Variants in DUXB observed in about 807,000 individuals in gnomAD.
DUXB encodes the protein double homeobox protein B.
A neutral mutation model predicts 8.9 loss-of-function variants in DUXB; 22 were observed. That is an observed-to-expected ratio of 2.46 (90% CI 1.76 to 3.52). The LOEUF is 3.52. DUXB is among the 30% of genes most tolerant of loss of function. The pLI is 0.00. For missense variants in DUXB, 237 were observed against 108.7 expected, an observed-to-expected ratio of 2.18 and a Z score of -5.25; for synonymous variants, 84 against 37.6, an observed-to-expected ratio of 2.23 and a Z score of -4.52.
intron 2 of DUXB, chr16:75,698,566 T>A (rs1344993504): frequency 6.6e-6 from 1 of 152,230 alleles, no homozygotes; most frequent in Non-Finnish European, 1.5e-5. Context: ...CAGGTTGGAG[T>A]GCAGTGGCTA....
intron 1 of DUXB, among the ~76,000 whole-genome samples, chr16:75,701,086 C>T (rs1959207609): frequency 6.6e-6 from 1 of 152,092 alleles, no homozygotes; most frequent in Non-Finnish European, 1.5e-5. Flanking sequence ...GAATATATCT[C>T]AGTAAAATTC....
intron 2 of DUXB, among the ~76,000 whole-genome samples, chr16:75,699,334 A>AT (rs2151833975): frequency 6.6e-6 from 1 of 152,290 alleles, no homozygotes; most frequent in South Asian, 2.1e-4. Flanking sequence ...TTTCCTTGTA[A>AT]TTACATATTA....
rs1000929917 is a variant in DUXB at position 75,694,367 on chromosome 16, G to C, written c.600C>G (p.Cys200Trp). ...LPTDSSHYFS[C>W]SHSSSGHETL... ...TTTCATGCCCGCTGGAAGAATGTGA[G>C]CAAGAAAAATAATGAGAGCTGTCTG... Residue 200 changes from cysteine to tryptophan, a missense_variant, in exon 5 of 5, where the codon TGC becomes TGG. Cys to Trp is a radical substitution (Grantham distance 215, BLOSUM62 -2). Transcript: ENST00000633875. The C allele has an allele frequency of 1.3e-5, 9 of 668,868 alleles. No individual in the cohort carries two copies. The highest frequency in any genetic ancestry group is 2.4e-5 in the Non-Finnish European group (9 of 372,648). The allele number at this position is 668,868 out of a possible 1,614,324, so 41.4% of individuals were successfully genotyped here.
In DUXB at chr16:75,694,307, A is replaced by G. The variant is rs2082586785; in HGVS notation, c.660T>C (p.Pro220=). 3 of 616,400 alleles carry G rather than the reference A, an allele frequency of 4.9e-6. No individual in the cohort carries two copies. In the East Asian group the frequency reaches 8.2e-5, roughly 17 times the overall value. The allele number at this position is 616,400 out of a possible 1,614,324, so 38.2% of individuals were successfully genotyped here. ...LPPVLPSTQA[P]WDPFRFHVSQ... is the part of the protein sequence containing the mutation. Reference sequence around the variant, plus strand: ...TCACATGGAACCTGAAGGGATCCCAAGGAGCCTGGGTTGAAGGAAGAACAG... The same window carrying G: ...TCACATGGAACCTGAAGGGATCCCAGGGAGCCTGGGTTGAAGGAAGAACAG... The change falls in exon 5 of 5, where the codon CCT becomes CCC. Residue 220 remains proline, a synonymous_variant. Coordinates refer to ENST00000633875, the MANE Select transcript of DUXB (RefSeq NM_001351307.2).
intron 4 of DUXB, 146 bp from the exon 5 acceptor site, chr16:75,694,671 C>T: frequency 3.3e-6 from 2 of 610,372 alleles, no homozygotes; most frequent in Non-Finnish European, 5.8e-6. Flanking sequence ...TCCATGGGTT[C>T]CATCTGTATA....
rs551641989 is a variant in DUXB, at chr16:75,694,004, C to T, written c.963G>A (p.Ser321=). The T allele has an allele frequency of 1.2e-5, 5 of 401,238 alleles. No homozygotes were observed. The highest frequency in any genetic ancestry group is 4.4e-5 in the Admixed American group (1 of 22,866). The allele number at this position is 401,238 out of a possible 1,614,324, so 24.9% of individuals were successfully genotyped here. ...QPLNLGQFDI[S]NILQRWDEIC... The stretch of plus-strand genomic sequence containing the variant: ...TCTCGTCCCACCTTTGCAAAATGTT[C>T]GATATGTCAAACTGACCCAGATTTA... The change falls in exon 5 of 5, where the codon TCG becomes TCA. Residue 321 remains serine (S), a synonymous_variant. Transcript: ENST00000633875.
At chr16:75,694,552 A>T in intron 4 of DUXB, 27 bp from the exon 5 acceptor site, 1 of 702,864 alleles carries the variant, frequency 1.4e-6, no homozygotes, top group Non-Finnish European at 2.6e-6. Flanking sequence ...GCAACATGAC[A>T]TCATAAGACA....
intron 3 of DUXB, 138 bp downstream of exon 3, chr16:75,696,699 TA>T (rs920003368): frequency 3.7e-4 from 217 of 579,684 alleles, no homozygotes; most frequent in South Asian, 8.6e-4. Flanking sequence ...TACTTTCACC[TA>T]AAAAAAATGT....
intron 2 of DUXB, 40 bp downstream of exon 2, chr16:75,699,975 A>G (rs778170077): frequency 2.0e-5 from 13 of 657,706 alleles, no homozygotes; most frequent in Admixed American, 2.4e-5. Flanking sequence ...TCTCTTTACC[A>G]TGGTTCTGAC....
chr16:75,695,997 C>T lies in DUXB; in HGVS notation c.405G>A (p.Leu135=). Residue 135 remains leucine (L), a synonymous_variant, in exon 4 of 5, where the codon CTG becomes CTA. Transcript: ENST00000633875. ...PFPDIATRKK[L]AEQTGLQESR... The stretch of plus-strand genomic sequence containing the variant: ...ATTCCTGCAGGCCTGTTTGTTCAGC[C>T]AGTTTTTTTCTGGTAGCAATATCAG... The T allele has an allele frequency of 1.4e-6, 1 of 702,994 alleles. No homozygotes were observed. The highest frequency in any genetic ancestry group is 1.5e-5 in the South Asian group (1 of 67,602). 43.5% of individuals were successfully genotyped at this position (702,994 alleles called of 1,614,324 possible). A position where few individuals can be genotyped will look rare whatever the true frequency, so the allele number is the denominator to read the frequency against.
At chr16:75,695,020 CTT>C (rs2082594103) in intron 4 of DUXB, among the ~76,000 whole-genome samples, 1 of 152,036 alleles carries the variant, frequency 6.6e-6, no homozygotes, top group Non-Finnish European at 1.5e-5. Flanking sequence ...TATTTTATTA[CTT>C]TTGTTTTTCT....
At chr16:75,699,008 A>C (rs1371942462) in intron 2 of DUXB, among the ~76,000 whole-genome samples, 3 of 152,102 alleles carry the variant, frequency 2.0e-5, no homozygotes, top group African/African-American at 7.2e-5. Flanking sequence ...AAACCCAGCA[A>C]ATTAAAATAC....
intron 2 of DUXB, among the ~76,000 whole-genome samples, chr16:75,698,286 T>A (rs963781990): frequency 2.0e-5 from 3 of 152,168 alleles, no homozygotes; most frequent in Non-Finnish European, 4.4e-5. Flanking sequence ...GGGACTTGAG[T>A]AATCCTTGCC....
At chr16:75,700,393 C>T (rs574372433) in intron 1 of DUXB, among the ~76,000 whole-genome samples, 6 of 151,986 alleles carry the variant, frequency 3.9e-5, no homozygotes, top group Admixed American at 6.6e-5. Context: ...ACCACTGTGC[C>T]TGGCTATTTT....
At position 75,696,876 on chromosome 16, in the gene DUXB, T is replaced by G. The variant is rs1344241366; in HGVS notation, c.248A>C (p.Gln83Pro). ...CTGGGACTGGTCATGCCCCTGGGTT[T>G]GATCTTTTTCTGAGAAGCACTTATA... The part of the protein sequence containing the change: ...LDYKCFSEKD[Q>P]TQGHDQSQHL... Residue 83 changes from glutamine to proline, a missense_variant, in exon 3 of 5, where the codon CAA becomes CCA. Transcript: ENST00000633875. 2.0e-5 allele frequency: 14 copies of G among 702,910 alleles called. No homozygotes were observed. The African/African-American group carries it at 2.1e-4, about 11-fold the overall frequency. 43.5% of individuals were successfully genotyped at this position (702,910 alleles called of 1,614,324 possible). A position where few individuals can be genotyped will look rare whatever the true frequency, so the allele number is the denominator to read the frequency against.
intron 3 of DUXB, 126 bp downstream of exon 3, chr16:75,696,712 G>A (rs985619591): frequency 7.9e-5 from 47 of 593,346 alleles, no homozygotes; most frequent in Non-Finnish European, 1.3e-4. Flanking sequence ...AAAAAATGTA[G>A]GATAATGTTT....
At chr16:75,701,087 A>G (rs1253772846) in intron 1 of DUXB, among the ~76,000 whole-genome samples, 1 of 152,180 alleles carries the variant, frequency 6.6e-6, no homozygotes, top group East Asian at 1.9e-4. Context: ...AATATATCTC[A>G]GTAAAATTCA....
intron 4 of DUXB, 26 bp downstream of exon 4, chr16:75,695,935 G>A (rs755058721): frequency 1.1e-5 from 8 of 702,716 alleles, no homozygotes; most frequent in Admixed American, 6.0e-5. Context: ...GCAGGACATA[G>A]TTGGGATCAC....
rs1173790719 is a variant in DUXB at position 75,701,167 on chromosome 16, A to G, written c.25+227T>C. On this transcript the variant is annotated intron_variant, in intron 1 of 4. Coordinates refer to ENST00000633875, the MANE Select transcript of DUXB (RefSeq NM_001351307.2). ...CTGTCAACTTTAAAACTTTAGGTAG[A>G]TGACCCTTGTATGGGACTCATGGCT... Among the ~76,000 whole-genome samples the G allele has an allele frequency of 3.3e-5, 5 of 152,232 alleles. No homozygotes were observed. The East Asian group carries it at 9.6e-4, about 29-fold the overall frequency.
Sources: gnomAD v4.1 joint callset for allele counts (sites outside exome capture counted in the v4.1 genomes callset) on GRCh38, gnomAD v4.1.1 for gene constraint, MANE v1.5 for transcripts, NCBI Gene and HGNC (gene_info 2026-07-23, HGNC 2026-07-21) for gene names.